Variants in SUGCT observed in about 807,000 individuals in gnomAD.
SUGCT encodes succinyl-CoA:glutarate CoA-transferase.
Under a neutral mutation model 55.0 loss-of-function variants are expected in SUGCT, and 41 were observed. That is an observed-to-expected ratio of 0.74 (90% CI 0.58 to 0.97). The LOEUF is 0.97. SUGCT is among the 50% of genes least tolerant of loss of function. The probability of loss-of-function intolerance (pLI) is 0.00; values close to 1 mark genes in which losing one functional copy is unlikely to be tolerated. For missense variants in SUGCT, 568 were observed against 547.8 expected (o/e 1.04, Z -0.37); for synonymous variants, 187 against 200.4 (o/e 0.93, Z 0.56).
the SUGCT span, among the ~76,000 whole-genome samples, chr7:40,894,845 A>ACTT: frequency 6.6e-6 from 1 of 152,212 alleles, no homozygotes; most frequent in Non-Finnish European, 1.5e-5. Flanking sequence ...AAGAGGGAAC[A>ACTT]CTTATACACT....
chr7:40,216,690 A>C (rs1040996697), intron 6 of SUGCT, among the ~76,000 whole-genome samples: 10 of 151,776 alleles, frequency 6.6e-5, no homozygotes, highest in African/African-American at 2.4e-4. Flanking sequence ...CACCTCTTAT[A>C]AAAATACAAA....
intron 12 of SUGCT, among the ~76,000 whole-genome samples, chr7:40,667,921 G>A (rs1801736373): frequency 6.6e-6 from 1 of 152,006 alleles, no homozygotes; most frequent in African/African-American, 2.4e-5. Flanking sequence ...GTATGGATTT[G>A]TGGGTCTCAA....
chr7:40,263,069 C>T (rs750118745), intron 7 of SUGCT, among the ~76,000 whole-genome samples: 13 of 152,106 alleles, frequency 8.5e-5, no homozygotes, highest in Non-Finnish European at 1.6e-4. Flanking sequence ...ATCACAGGTG[C>T]GTGCCACCAT....
intron 13 of SUGCT, among the ~76,000 whole-genome samples, chr7:40,763,430 C>A (rs1446550633): frequency 1.3e-5 from 2 of 152,112 alleles, no homozygotes; most frequent in Non-Finnish European, 2.9e-5. Flanking sequence ...GAAATCCATG[C>A]CCTTTTATTG....
At chr7:40,564,833 C>T (rs987715227) in intron 12 of SUGCT, among the ~76,000 whole-genome samples, 4 of 152,112 alleles carry the variant, frequency 2.6e-5, no homozygotes, top group Admixed American at 1.3e-4. Flanking sequence ...CTCTAAGAGA[C>T]GTATTTATTA....
At chr7:41,018,336 C>T in the SUGCT span, among the ~76,000 whole-genome samples, 14 of 152,160 alleles carry the variant, frequency 9.2e-5, no homozygotes, top group Non-Finnish European at 4.4e-5. Flanking sequence ...CATGGTGCCT[C>T]TCACTGCAGA....
intron 10 of SUGCT, among the ~76,000 whole-genome samples, chr7:40,452,004 A>G (rs1789219335): frequency 6.6e-6 from 1 of 152,240 alleles, no homozygotes. Flanking sequence ...CTGGTGAGAA[A>G]TGTGGCAGCA....
chr7:40,365,207 T>C (rs1405477570), intron 9 of SUGCT, among the ~76,000 whole-genome samples: 1 of 152,190 alleles, frequency 6.6e-6, no homozygotes, highest in Non-Finnish European at 1.5e-5. Context: ...TGACAAAATT[T>C]AACAACTCTT....
chr7:40,186,231 C>T (rs956062573), intron 3 of SUGCT, among the ~76,000 whole-genome samples: 1 of 140,978 alleles, frequency 7.1e-6, no homozygotes. Context: ...CCCTCCCCTC[C>T]CCTCCCTTCT....
intron 12 of SUGCT, among the ~76,000 whole-genome samples, chr7:40,529,201 A>C (rs2151591039): frequency 1.3e-5 from 2 of 152,330 alleles, no homozygotes; most frequent in South Asian, 2.1e-4. Flanking sequence ...GACAAGTAAA[A>C]GTTTAATTGA....
chr7:40,840,473 CAA>C (rs200374763), intron 13 of SUGCT, among the ~76,000 whole-genome samples: 4 of 124,914 alleles, frequency 3.2e-5, no homozygotes, highest in Admixed American at 7.9e-5. Flanking sequence ...GAGGAAGACT[CAA>C]AAAAAAAAAA....
intron 9 of SUGCT, among the ~76,000 whole-genome samples, chr7:40,355,092 A>G (rs1188601493): frequency 6.6e-6 from 1 of 152,198 alleles, no homozygotes; most frequent in East Asian, 1.9e-4. Flanking sequence ...GACCAGATGA[A>G]CTGGGAAGGA....
chr7:40,955,829 T>G, the SUGCT span, among the ~76,000 whole-genome samples: 1 of 152,204 alleles, frequency 6.6e-6, no homozygotes, highest in African/African-American at 2.4e-5. Flanking sequence ...ATTGAGAGTT[T>G]TTAGCATGAA....
At chr7:40,217,072 A>C (rs1230538271) in intron 6 of SUGCT, among the ~76,000 whole-genome samples, 1 of 152,034 alleles carries the variant, frequency 6.6e-6, no homozygotes, top group Non-Finnish European at 1.5e-5. Flanking sequence ...GAATTTAGCA[A>C]GAGTTTGCTG....
At chr7:40,722,596 C>G (rs891390641) in intron 12 of SUGCT, among the ~76,000 whole-genome samples, 1 of 152,164 alleles carries the variant, frequency 6.6e-6, no homozygotes, top group African/African-American at 2.4e-5. Flanking sequence ...TTGGCTCAGA[C>G]AGAAAATGGA....
rs144102080 is a variant in SUGCT, at chr7:40,633,315, A to G, written c.1090-116119A>G. 2.7e-3 allele frequency among the ~76,000 whole-genome samples: 408 copies of G among 152,330 alleles called. 1 individual carries two copies. The highest frequency in any genetic ancestry group is 7.3e-3 in the Admixed American group (111 of 15,292). On this transcript the variant is annotated intron_variant, in intron 12 of 13. Transcript: ENST00000335693. The stretch of plus-strand genomic sequence containing the variant: ...TATTGAATACTTAGTATTGAGGATC[A>G]AAAGAACATTTCTCCTTCATTTTTT...
At chr7:40,393,734 AC>A (rs1009302218) in intron 9 of SUGCT, among the ~76,000 whole-genome samples, 1 of 152,102 alleles carries the variant, frequency 6.6e-6, no homozygotes, top group Non-Finnish European at 1.5e-5. Flanking sequence ...GGGTCTACAG[AC>A]CCATTTCTTT....
intron 4 of SUGCT, among the ~76,000 whole-genome samples, chr7:40,189,139 C>T (rs1055437082): frequency 4.3e-4 from 66 of 152,034 alleles, no homozygotes; most frequent in African/African-American, 1.6e-3. Flanking sequence ...GTCAGGAGAT[C>T]GAGACCATCC....
At chr7:40,468,746 G>C (rs1790257508) in intron 11 of SUGCT, among the ~76,000 whole-genome samples, 1 of 152,146 alleles carries the variant, frequency 6.6e-6, no homozygotes, top group African/African-American at 2.4e-5. Context: ...TGGGTTAAAA[G>C]TCTGTATACT....
Sources: gnomAD v4.1 joint callset for allele counts (sites outside exome capture counted in the v4.1 genomes callset) on GRCh38, gnomAD v4.1.1 for gene constraint, MANE v1.5 for transcripts, NCBI Gene and HGNC (gene_info 2026-07-23, HGNC 2026-07-21) for gene names.